The following USP54 variants were observed in gnomAD, a reference collection of about 807,000 sequenced individuals.
The protein encoded by USP54 is ubiquitin specific peptidase 54, also known as ubiquitin carboxyl-terminal hydrolase 54.
In USP54, 87 loss-of-function variants were observed where a neutral mutation model predicts 170.5. The ratio of observed to expected loss-of-function variants is 0.51; its 90% CI spans 0.43 to 0.61. The LOEUF (loss-of-function observed/expected upper bound fraction) is 0.61, where lower values mean the gene tolerates loss of function less well. Ranked by LOEUF, USP54 falls within the 20% of genes least tolerant of loss-of-function variation. The pLI is 0.00. For synonymous variants in USP54, 655 were observed against 742.8 expected (o/e 0.88, Z 1.92); for missense variants, 1,786 against 2,047.8 (o/e 0.87, Z 2.47).
chr10:73,523,787 A>G, intron 16 of USP54, 37 bp from the exon 17 acceptor site: 2 of 1,576,334 alleles, frequency 1.3e-6, no homozygotes, highest in East Asian at 4.5e-5. Context: ...CCACATTTCC[A>G]TTACCAAGAC....
upstream of USP54, among the ~76,000 whole-genome samples, chr10:73,593,557 GT>G (rs1182139660): frequency 6.6e-6 from 1 of 152,110 alleles, no homozygotes; most frequent in Non-Finnish European, 1.5e-5. Flanking sequence ...ACAGTACTTT[GT>G]AAAACTGTGC....
At chr10:73,561,243 A>G (rs1318785748) in intron 4 of USP54, among the ~76,000 whole-genome samples, 2 of 152,126 alleles carry the variant, frequency 1.3e-5, no homozygotes, top group African/African-American at 2.4e-5. Context: ...AAGAGAGAAG[A>G]GTTGAGCTAT....
At chr10:73,510,348 T>C (rs1419584228) in intron 20 of USP54, among the ~76,000 whole-genome samples, 1 of 150,216 alleles carries the variant, frequency 6.7e-6, no homozygotes, top group Non-Finnish European at 1.5e-5. Context: ...AATAAATAAA[T>C]AAAATAAAAT....
intron 16 of USP54, among the ~76,000 whole-genome samples, chr10:73,524,003 G>A (rs1479693552): frequency 6.6e-6 from 1 of 150,646 alleles, no homozygotes; most frequent in Non-Finnish European, 1.5e-5. Context: ...CGCCTCCCGG[G>A]TTCAAGCGAT....
At chr10:73,595,723 A>G (rs2078670689), upstream of USP54, among the ~76,000 whole-genome samples, 1 of 152,206 alleles carries the variant, frequency 6.6e-6, no homozygotes, top group Non-Finnish European at 1.5e-5. Context: ...GGGTTTTTAA[A>G]AGTCTTGGAC....
chr10:73,598,053 C>A (rs2078873394), intron 1 of USP54, among the ~76,000 whole-genome samples: 1 of 152,112 alleles, frequency 6.6e-6, no homozygotes, highest in African/African-American at 2.4e-5. Flanking sequence ...CCACTGCACT[C>A]CAGCCTGGGC....
In USP54 at chr10:73,542,849, G is replaced by A. The variant is rs1399539631; in HGVS notation, c.526C>T (p.Leu176=). ...CTSCGATSDP[L]PFIQMVHYIS... Reference sequence around the variant, plus strand: ...TAATGTACCATCTGGATGAAAGGCAGCGGATCAGAAGTGGCACCACAGCTA... The same window carrying A: ...TAATGTACCATCTGGATGAAAGGCAACGGATCAGAAGTGGCACCACAGCTA... Residue 176 remains leucine (L), a synonymous_variant, in exon 7 of 24, where the codon CTG becomes TTG. Transcript: ENST00000687698. 39 of 1,614,092 alleles carry A rather than the reference G, an allele frequency of 2.4e-5. No homozygotes were observed. The highest frequency in any genetic ancestry group is 3.3e-5 in the Non-Finnish European group (39 of 1,180,030).
rs144080709 is a variant in USP54, at chr10:73,578,815, T to C, written c.-581-2454A>G. 1.3e-3 allele frequency among the ~76,000 whole-genome samples: 203 copies of C among 152,324 alleles called. 2 individuals are homozygous for C. Among genetic ancestry groups the C allele is most frequent in the African/African-American group, 4.5e-3 (187 of 41,560 alleles). On this transcript the variant is annotated intron_variant, in intron 1 of 23. Transcript: ENST00000687698. ...CACCCATATGCAAAAAACTGAACAT[T>C]GAGTCATACCTTACATCTTATACAA...
At chr10:73,607,132 A>G (rs1034159526) in intron 1 of USP54, among the ~76,000 whole-genome samples, 20 of 151,700 alleles carry the variant, frequency 1.3e-4, no homozygotes, top group African/African-American at 4.8e-4. Context: ...CAACATGGTG[A>G]AACCCCATCA....
At chr10:73,529,574 T>C (rs748195511) in intron 15 of USP54, 106 bp downstream of exon 15, 26 of 1,261,798 alleles carry the variant, frequency 2.1e-5, no homozygotes, top group East Asian at 4.6e-5. Context: ...ATAGAGATAA[T>C]AGCAAAGGCC....
At chr10:73,581,615 A>G (rs2076914665) in intron 1 of USP54, among the ~76,000 whole-genome samples, 1 of 152,230 alleles carries the variant, frequency 6.6e-6, no homozygotes, top group African/African-American at 2.4e-5. Flanking sequence ...AGTCTGCCCC[A>G]TCCACATTAC....
At chr10:73,540,777 C>A (rs1445679994) in intron 9 of USP54, among the ~76,000 whole-genome samples, 1 of 152,090 alleles carries the variant, frequency 6.6e-6, no homozygotes, top group Non-Finnish European at 1.5e-5. Context: ...TTGCTCACAG[C>A]CTACTCAGGT....
chr10:73,585,993 G>A (rs2077439698), intron 1 of USP54, among the ~76,000 whole-genome samples: 2 of 152,030 alleles, frequency 1.3e-5, no homozygotes, highest in South Asian at 4.1e-4. Flanking sequence ...CCTGGTGACA[G>A]AGCAAGACTC....
chr10:73,513,826 T>C (rs2060608493), intron 20 of USP54, among the ~76,000 whole-genome samples: 1 of 152,170 alleles, frequency 6.6e-6, no homozygotes. Flanking sequence ...TTTTTGTTTT[T>C]GGTTTTGAGA....
chr10:73,517,148 G>A lies in USP54; in HGVS notation c.3278C>T (p.Thr1093Ile). The change falls in exon 20 of 24, where the codon ACT (threonine) becomes ATT (isoleucine). Residue 1093 changes from threonine (T) to isoleucine (I), a missense_variant. Physicochemically the swap from Thr to Ile is moderately conservative, Grantham distance 89 (BLOSUM62 -1). Coordinates refer to ENST00000687698, the MANE Select transcript of USP54 (RefSeq NM_001391956.1). ...VLHCPDPVQK[T>I]NQCLQGQSLK... Reference sequence around the variant, plus strand: ...GCTTTGGCCTTGGAGGCATTGGTTAGTTTTCTGCACAGGATCAGGACAGTG... The same window carrying A: ...GCTTTGGCCTTGGAGGCATTGGTTAATTTTCTGCACAGGATCAGGACAGTG... 6.2e-7 allele frequency: 1 copy of A among 1,614,242 alleles called. No homozygotes were observed. The highest frequency in any genetic ancestry group is 8.5e-7 in the Non-Finnish European group (1 of 1,180,048).
At chr10:73,512,631 C>T (rs1297021016) in intron 20 of USP54, among the ~76,000 whole-genome samples, 2 of 152,018 alleles carry the variant, frequency 1.3e-5, no homozygotes, top group Non-Finnish European at 2.9e-5. Flanking sequence ...AGTGATTTTC[C>T]TGCCTCAGTC....
intron 4 of USP54, among the ~76,000 whole-genome samples, chr10:73,545,996 A>G (rs1201426976): frequency 6.6e-6 from 1 of 152,174 alleles, no homozygotes; most frequent in African/African-American, 2.4e-5. Flanking sequence ...TGGGTTAGGT[A>G]AAAAAAGAAA....
At chr10:73,544,694 C>A (rs933757091) in intron 5 of USP54, among the ~76,000 whole-genome samples, 2 of 151,990 alleles carry the variant, frequency 1.3e-5, no homozygotes, top group Admixed American at 6.6e-5. Flanking sequence ...AGATATGTAT[C>A]ACTCTCAAAT....
At chr10:73,510,138 C>T (rs1299302761) in intron 20 of USP54, among the ~76,000 whole-genome samples, 1 of 151,974 alleles carries the variant, frequency 6.6e-6, no homozygotes, top group African/African-American at 2.4e-5. Flanking sequence ...AGATGGAGAC[C>T]ATCCTGGATA....
Sources: allele counts gnomAD v4.1 joint callset (sites outside exome capture counted in the v4.1 genomes callset), GRCh38; gene constraint gnomAD v4.1.1; transcripts MANE v1.5; gene names NCBI Gene and HGNC (gene_info 2026-07-23, HGNC 2026-07-21).